The following DECR1 variants were observed in gnomAD, a reference collection of about 807,000 sequenced individuals.
DECR1 encodes 2,4-dienoyl-CoA reductase 1, also known as 2,4-dienoyl-CoA reductase [(3E)-enoyl-CoA-producing], mitochondrial.
Under a neutral mutation model 38.8 loss-of-function variants are expected in DECR1, and 44 were observed. The observed-to-expected ratio is 1.13, with a 90% CI of 0.89 to 1.46. The LOEUF (loss-of-function observed/expected upper bound fraction) is 1.46, where lower values mean the gene tolerates loss of function less well. DECR1 is among the 40% of genes most tolerant of loss of function. The pLI, the probability that DECR1 is intolerant of heterozygous loss-of-function variation, is 0.00. For missense variants in DECR1, 428 were observed against 405.5 expected (o/e 1.06, Z -0.48); for synonymous variants, 148 against 135.2 (o/e 1.09, Z -0.66).
chr8:90,051,864 A>G lies in DECR1; in HGVS notation c.975A>G (p.Ile325Met), dbSNP rs765635535. 3 of 1,613,914 alleles carry G rather than the reference A, an allele frequency of 1.9e-6. No individual in the cohort carries two copies. The highest frequency in any genetic ancestry group is 3.3e-4 in the Middle Eastern group (2 of 6,052). Reference protein sequence around the residue: ...RKVTKEQWDTIEELIRKTKGS With the variant: ...RKVTKEQWDTMEELIRKTKGS Reference sequence around the variant, plus strand: ...TCACCAAGGAGCAGTGGGACACCATAGAAGAACTCATCAGGAAGACAAAAG... The same window carrying G: ...TCACCAAGGAGCAGTGGGACACCATGGAAGAACTCATCAGGAAGACAAAAG... Residue 325 changes from isoleucine (I) to methionine (M), a missense_variant, in exon 10 of 10, where the codon ATA becomes ATG. Ile to Met is a conservative substitution (Grantham distance 10). Coordinates refer to ENST00000220764, the MANE Select transcript of DECR1 (RefSeq NM_001359.2).
At chr8:90,049,837 C>T (rs140115888) in intron 8 of DECR1, among the ~76,000 whole-genome samples, 2,334 of 152,154 alleles carry the variant, frequency 0.015, 53 homozygotes, top group African/African-American at 0.052. Flanking sequence ...AGATATAGAC[C>T]AACGGAACAG....
intron 5 of DECR1, among the ~76,000 whole-genome samples, chr8:90,036,512 G>T (rs1043698338): frequency 6.6e-6 from 1 of 152,176 alleles, no homozygotes; most frequent in African/African-American, 2.4e-5. Context: ...TCTTATTCAA[G>T]TAGTACTTAG....
intron 1 of DECR1, among the ~76,000 whole-genome samples, chr8:90,010,070 C>A (rs1812844344): frequency 1.3e-5 from 2 of 152,148 alleles, no homozygotes; most frequent in South Asian, 2.1e-4. Flanking sequence ...TGGGCAGTTT[C>A]TTTTATATTT....
Position 90,052,015 on chromosome 8 carries a change from A to G in DECR1, c.*118A>G. ...CTTAATTAACAAACATTCATTGAAT[A>G]TGTATTATGTGCCAGGCCAGTGATA... On this transcript the variant is annotated 3_prime_UTR_variant, in exon 10 of 10. Coordinates refer to ENST00000220764, the MANE Select transcript of DECR1 (RefSeq NM_001359.2). 1.2e-6 allele frequency: 1 copy of G among 854,934 alleles called. No homozygotes were observed. The highest frequency in any genetic ancestry group is 1.9e-6 in the Non-Finnish European group (1 of 534,564). 53.0% of individuals were successfully genotyped at this position (854,934 alleles called of 1,614,324 possible).
At chr8:90,012,005 C>A (rs1034835996) in intron 1 of DECR1, among the ~76,000 whole-genome samples, 13 of 151,792 alleles carry the variant, frequency 8.6e-5, no homozygotes, top group African/African-American at 2.9e-4. Context: ...AATTATGTCT[C>A]CTTTTGTTTA....
rs538409761 is a variant in DECR1, at chr8:90,027,309, G to A, written c.565+6253G>A. On this transcript the variant is annotated intron_variant, in intron 5 of 9. Coordinates refer to ENST00000220764, the MANE Select transcript of DECR1 (RefSeq NM_001359.2). ...TTTCCATCTCGTTGATCTGTCTAAT[G>A]TTGACAGTGGGTTGTTAAAGTCTCC... Among the ~76,000 whole-genome samples, 6 of 152,208 alleles carry A rather than the reference G, an allele frequency of 3.9e-5. No individual in the cohort carries two copies. In the South Asian group the frequency reaches 6.2e-4, roughly 16 times the overall value.
intron 7 of DECR1, among the ~76,000 whole-genome samples, 182 bp downstream of exon 7, chr8:90,042,982 A>G (rs536070428): frequency 5.9e-5 from 9 of 152,266 alleles, no homozygotes; most frequent in Middle Eastern, 3.4e-3. Flanking sequence ...GCGGGCAGGA[A>G]TATAGCAGCT....
chr8:90,019,112 G>A lies in DECR1; in HGVS notation c.357G>A (p.Arg119=), dbSNP rs775675495. Residue 119 remains arginine (R), a synonymous_variant, in exon 4 of 10, where the codon AGG becomes AGA. Transcript: ENST00000220764. ...NKVHAIQCDV[R]DPDMVQNTVS... ...TTCATGCAATTCAGTGTGATGTGAG[G>A]GATCCTGATATGGTTCAAAACACTG... is the stretch of plus-strand genomic sequence containing the variant. The A allele has an allele frequency of 4.5e-5, 72 of 1,613,952 alleles. 1 individual carries two copies. The South Asian group carries it at 7.8e-4, about 17-fold the overall frequency.
At chr8:90,031,080 G>A (rs1174014335) in intron 5 of DECR1, among the ~76,000 whole-genome samples, 1 of 152,138 alleles carries the variant, frequency 6.6e-6, no homozygotes, top group Non-Finnish European at 1.5e-5. Context: ...TTACATAGTA[G>A]TTAAGAGTGC....
chr8:90,041,947 A>G (rs933837544), intron 6 of DECR1, among the ~76,000 whole-genome samples: 8 of 152,098 alleles, frequency 5.3e-5, no homozygotes, highest in Admixed American at 1.3e-4. Context: ...TTGAAATTAC[A>G]TTAAGTATAT....
At position 90,037,059 on chromosome 8, in the gene DECR1, A is replaced by G. The variant is rs1813635490; in HGVS notation, c.665+119A>G. On this transcript the variant is annotated intron_variant, in intron 6 of 9. Transcript: ENST00000220764. ...GAAAAGTAAACAAAGACTTGGATTCACCATGAGACATACATTTTATCTCCC... is the reference window on the plus strand; with the variant it reads ...GAAAAGTAAACAAAGACTTGGATTCGCCATGAGACATACATTTTATCTCCC... 6.0e-6 allele frequency: 4 copies of G among 665,670 alleles called. No individual in the cohort carries two copies. In the Admixed American group the frequency reaches 1.1e-4, roughly 18 times the overall value. The allele number at this position is 665,670 out of a possible 1,614,324, so 41.2% of individuals were successfully genotyped here.
At chr8:90,048,124 A>G (rs551224038) in intron 8 of DECR1, among the ~76,000 whole-genome samples, 1 of 152,348 alleles carries the variant, frequency 6.6e-6, no homozygotes, top group Admixed American at 6.5e-5. Flanking sequence ...AATTAAAAGA[A>G]CTAGAGAAGC....
At chr8:90,019,636 A>C (rs897035516) in intron 4 of DECR1, among the ~76,000 whole-genome samples, 13 of 152,228 alleles carry the variant, frequency 8.5e-5, no homozygotes, top group African/African-American at 3.1e-4. Context: ...ATTGGTGGGT[A>C]TGTCTAAAGA....
At chr8:90,016,471 C>A (rs1813008447) in intron 1 of DECR1, among the ~76,000 whole-genome samples, 1 of 151,916 alleles carries the variant, frequency 6.6e-6, no homozygotes, top group Non-Finnish European at 1.5e-5. Context: ...CCTGTCTGTA[C>A]TAAAAATACA....
chr8:90,002,901 G>A (rs73696853), intron 1 of DECR1, among the ~76,000 whole-genome samples: 5 of 152,082 alleles, frequency 3.3e-5, no homozygotes, highest in Non-Finnish European at 4.4e-5. Context: ...TGTCTTCAGA[G>A]ATTTCATTTT....
intron 5 of DECR1, among the ~76,000 whole-genome samples, chr8:90,026,717 T>G (rs956616962): frequency 6.6e-6 from 1 of 152,204 alleles, no homozygotes; most frequent in Non-Finnish European, 1.5e-5. Context: ...TGTGTTTCTA[T>G]CTCCTTCAGT....
intron 6 of DECR1, among the ~76,000 whole-genome samples, chr8:90,041,663 G>A (rs1813766655): frequency 6.6e-6 from 1 of 151,902 alleles, no homozygotes; most frequent in Admixed American, 6.6e-5. Flanking sequence ...TTTCTTTATG[G>A]GTACTGTGGA....
intron 5 of DECR1, among the ~76,000 whole-genome samples, chr8:90,025,760 T>A (rs1179565614): frequency 6.6e-6 from 1 of 152,216 alleles, no homozygotes; most frequent in Admixed American, 6.5e-5. Flanking sequence ...AACACTATGT[T>A]GAATAGGAGT....
intron 6 of DECR1, among the ~76,000 whole-genome samples, chr8:90,040,972 C>T (rs942199789): frequency 6.6e-6 from 1 of 152,280 alleles, no homozygotes; most frequent in Non-Finnish European, 1.5e-5. Context: ...TATTTATAAT[C>T]CTTTGAGTAT....
Sources: allele counts gnomAD v4.1 joint callset (sites outside exome capture counted in the v4.1 genomes callset), GRCh38; gene constraint gnomAD v4.1.1; transcripts MANE v1.5; gene names NCBI Gene and HGNC (gene_info 2026-07-23, HGNC 2026-07-21).